The following DGKI variants were observed in gnomAD, a reference collection of about 807,000 sequenced individuals.
DGKI encodes DAG kinase iota.
A neutral mutation model predicts 147.5 loss-of-function variants in DGKI; 55 were observed. The ratio of observed to expected loss-of-function variants is 0.37; its 90% confidence interval spans 0.30 to 0.47. The LOEUF is 0.47. Ranked by LOEUF, DGKI falls within the 20% of genes least tolerant of loss-of-function variation. DGKI has a pLI of 1.00. For synonymous variants in DGKI, 469 were observed against 477.1 expected (o/e 0.98, Z 0.22); for missense variants, 1,007 against 1,323.8 (o/e 0.76, Z 3.71).
intron 6 of DGKI, among the ~76,000 whole-genome samples, chr7:137,638,546 ATATG>A (rs1300578063): frequency 2.5e-5 from 3 of 118,314 alleles, no homozygotes; most frequent in East Asian, 5.4e-4. Flanking sequence ...ATATGTATAT[ATATG>A]TGTGTATATA....
At chr7:137,562,865 C>A (rs192635059) in intron 19 of DGKI, among the ~76,000 whole-genome samples, 1 of 152,212 alleles carries the variant, frequency 6.6e-6, no homozygotes, top group Non-Finnish European at 1.5e-5. Context: ...CCAGTCTTCA[C>A]AAATTCTTTC....
At chr7:137,585,369 C>A (rs752967903) in intron 13 of DGKI, 23 bp from the exon 14 acceptor site, 7 of 1,612,052 alleles carry the variant, frequency 4.3e-6, no homozygotes, top group East Asian at 2.2e-5. Flanking sequence ...AGAACATATC[C>A]ATTGCTGTCC....
chr7:137,750,973 T>A (rs961192799), intron 1 of DGKI, among the ~76,000 whole-genome samples: 3 of 152,172 alleles, frequency 2.0e-5, no homozygotes, highest in African/African-American at 7.2e-5. Context: ...TCGGCCCCCG[T>A]CTTTTCAGCT....
chr7:137,529,611 T>C (rs573238766), intron 20 of DGKI, among the ~76,000 whole-genome samples: 3 of 152,328 alleles, frequency 2.0e-5, no homozygotes, highest in African/African-American at 7.2e-5. Context: ...ATCATTTTTG[T>C]TTTAAAGGAA....
intron 1 of DGKI, among the ~76,000 whole-genome samples, chr7:137,790,231 AACACACACACACACAC>A (rs137932599): frequency 5.6e-5 from 8 of 143,712 alleles, no homozygotes; most frequent in Admixed American, 1.4e-4. Context: ...GTGTATTACC[AACACACACACACACAC>A]ACACACACAC....
intron 5 of DGKI, among the ~76,000 whole-genome samples, chr7:137,650,187 A>T (rs1821975047): frequency 6.6e-6 from 1 of 152,210 alleles, no homozygotes; most frequent in African/African-American, 2.4e-5. Flanking sequence ...GTTCATAAAC[A>T]TTTTGAGAGA....
intron 1 of DGKI, among the ~76,000 whole-genome samples, chr7:137,773,119 CTG>C (rs920489580): frequency 2.6e-5 from 4 of 152,334 alleles, no homozygotes; most frequent in Admixed American, 6.5e-5. Flanking sequence ...CTTCTACAAA[CTG>C]TGTACCAAAG....
At chr7:137,466,594 A>T (rs1814670387) in intron 25 of DGKI, among the ~76,000 whole-genome samples, 1 of 152,216 alleles carries the variant, frequency 6.6e-6, no homozygotes, top group African/African-American at 2.4e-5. Context: ...GCTTAAAAAG[A>T]CATGAAATTT....
intron 20 of DGKI, among the ~76,000 whole-genome samples, chr7:137,548,885 C>T (rs765281484): frequency 2.0e-5 from 3 of 152,124 alleles, no homozygotes; most frequent in East Asian, 1.9e-4. Context: ...CACTTGAACC[C>T]GGGAGGCGGA....
At chr7:137,810,779 A>G (rs1231184759) in intron 1 of DGKI, among the ~76,000 whole-genome samples, 1 of 152,146 alleles carries the variant, frequency 6.6e-6, no homozygotes, top group Non-Finnish European at 1.5e-5. Flanking sequence ...TGGCAAATAA[A>G]CATTCCATCC....
chr7:137,708,535 G>A (rs1029416518), intron 1 of DGKI, among the ~76,000 whole-genome samples: 12 of 152,262 alleles, frequency 7.9e-5, no homozygotes, highest in East Asian at 7.7e-4. Context: ...GGAAACATCC[G>A]ATTCAATAAA....
chr7:137,657,010 T>A (rs1340360620), intron 3 of DGKI, among the ~76,000 whole-genome samples: 1 of 152,218 alleles, frequency 6.6e-6, no homozygotes, highest in Admixed American at 6.5e-5. Context: ...AGAGTCTAGA[T>A]TTCCAGGGGC....
intron 12 of DGKI, among the ~76,000 whole-genome samples, chr7:137,593,703 TAAC>T (rs1398596565): frequency 6.6e-6 from 1 of 152,198 alleles, no homozygotes; most frequent in Non-Finnish European, 1.5e-5. Context: ...TAAAATATCT[TAAC>T]AATGTTTATA....
At chr7:137,485,446 A>C (rs763545146) in intron 22 of DGKI, 28 bp from the exon 23 acceptor site, 57 of 1,576,894 alleles carry the variant, frequency 3.6e-5, no homozygotes, top group Non-Finnish European at 4.6e-5. Flanking sequence ...AAAAAAATCC[A>C]TACCTTAAAA....
At chr7:137,492,942 A>G (rs569225951) in intron 21 of DGKI, among the ~76,000 whole-genome samples, 18 of 152,286 alleles carry the variant, frequency 1.2e-4, no homozygotes, top group African/African-American at 3.8e-4. Flanking sequence ...CTGCCAAGGC[A>G]CATCAGCCCA....
chr7:137,591,858 C>A (rs1162734943), intron 12 of DGKI, among the ~76,000 whole-genome samples: 1 of 152,172 alleles, frequency 6.6e-6, no homozygotes, highest in Non-Finnish European at 1.5e-5. Context: ...TCCCATTTCT[C>A]CACTTAAAGT....
chr7:137,587,297 G>T, intron 12 of DGKI, 87 bp from the exon 13 acceptor site: 2 of 955,306 alleles, frequency 2.1e-6, no homozygotes, highest in Non-Finnish European at 3.0e-6. Context: ...GCTTCCAAGA[G>T]CTAAACAGAA....
At chr7:137,623,872 T>C (rs1439237046) in intron 6 of DGKI, among the ~76,000 whole-genome samples, 2 of 152,138 alleles carry the variant, frequency 1.3e-5, no homozygotes, top group East Asian at 1.9e-4. Flanking sequence ...GTTTTTATTA[T>C]AACCAAAGGA....
intron 28 of DGKI, among the ~76,000 whole-genome samples, chr7:137,434,837 TTGTTC>T (rs1272687818): frequency 6.6e-6 from 1 of 152,176 alleles, no homozygotes; most frequent in African/African-American, 2.4e-5. Flanking sequence ...TTGTTTTGTT[TTGTTC>T]TGTTTTTTAA....
Sources: gnomAD v4.1 joint callset for allele counts (sites outside exome capture counted in the v4.1 genomes callset) on GRCh38, gnomAD v4.1.1 for gene constraint, MANE v1.5 for transcripts, NCBI Gene and HGNC (gene_info 2026-07-23, HGNC 2026-07-21) for gene names.